Variants in ITGB7 observed in about 807,000 individuals in gnomAD.
The protein encoded by ITGB7 is integrin subunit beta 7.
In ITGB7, 55 loss-of-function variants were observed where a neutral mutation model predicts 83.4. The observed-to-expected ratio is 0.66, with a 90% CI of 0.53 to 0.83. ITGB7 has a LOEUF of 0.83. ITGB7 is among the 40% of genes least tolerant of loss of function. ITGB7 has a pLI of 0.00. For synonymous variants in ITGB7, 454 were observed against 423.6 expected (o/e 1.07, Z -0.88); for missense variants, 921 against 1,046.7 (o/e 0.88, Z 1.66).
intron 1 of ITGB7, among the ~76,000 whole-genome samples, chr12:53,205,076 C>A (rs1429399764): frequency 6.6e-6 from 1 of 152,086 alleles, no homozygotes; most frequent in Non-Finnish European, 1.5e-5. Flanking sequence ...CCACCCACCT[C>A]GGCCTCCCAA....
At chr12:53,199,959 T>C (rs1022490430) in intron 3 of ITGB7, among the ~76,000 whole-genome samples, 6 of 152,178 alleles carry the variant, frequency 3.9e-5, no homozygotes, top group Non-Finnish European at 1.5e-5. Context: ...AAGCACATAC[T>C]TTCTCCCAAT....
intron 13 of ITGB7, 46 bp from the exon 14 acceptor site, chr12:53,192,584 C>T: frequency 6.3e-7 from 1 of 1,598,588 alleles, no homozygotes; most frequent in South Asian, 1.1e-5. Flanking sequence ...AGTTGTCACC[C>T]AATGCCCCTT....
At position 53,191,564 on chromosome 12, in the gene ITGB7, T is replaced by A. The variant is rs1386027704; in HGVS notation, c.2389A>T (p.Thr797Ser). The change falls in exon 16 of 16, where the codon ACT becomes TCT. Residue 797 changes from threonine (T) to serine (S), a missense_variant. Physicochemically the swap from Thr to Ser is moderately conservative, Grantham distance 58. Transcript: ENST00000267082. ...AAGTGTCCCTCCCTCCTTCAGAGAG[T>A]GGGACTGTCTGCCTCTTGAAAGCGA... ...NPRFQEADSP[T>S]L The A allele has an allele frequency of 2.5e-6, 4 of 1,608,378 alleles. No individual in the cohort carries two copies. In the South Asian group the frequency reaches 3.3e-5, roughly 13 times the overall value.
In ITGB7 at chr12:53,193,537, G is replaced by A. The variant is rs552322628; in HGVS notation, c.1502+171C>T. On this transcript the variant is annotated intron_variant, in intron 11 of 15. Coordinates refer to ENST00000267082, the MANE Select transcript of ITGB7 (RefSeq NM_000889.3). ...GGGTGAGAGAGTGGAGGGAGCCCCA[G>A]TCAGGGGGAGGGCCTGGACATACAT... is the stretch of plus-strand genomic sequence containing the variant. 28 of 746,718 alleles carry A rather than the reference G, an allele frequency of 3.7e-5. No homozygotes were observed. In the South Asian group the frequency reaches 5.4e-4, roughly 14 times the overall value. 46.3% of individuals were successfully genotyped at this position (746,718 alleles called of 1,614,324 possible).
In ITGB7 at chr12:53,195,251, A is replaced by C. The variant is rs534225006; in HGVS notation, c.1161+123T>G. On this transcript the variant is annotated intron_variant, in intron 9 of 15. Transcript: ENST00000267082. ...CAGCCACATGCAGACTATAGGTAGGAGCTGTGGAATGTTAGACCAAAAAGT... is the reference window on the plus strand; with the variant it reads ...CAGCCACATGCAGACTATAGGTAGGCGCTGTGGAATGTTAGACCAAAAAGT... The C allele has an allele frequency of 8.5e-6, 6 of 702,994 alleles. No individual in the cohort carries two copies. In the South Asian group the frequency reaches 9.7e-5, roughly 11 times the overall value. 43.5% of individuals were successfully genotyped at this position (702,994 alleles called of 1,614,324 possible).
intron 14 of ITGB7, 47 bp from the exon 15 acceptor site, chr12:53,192,066 A>T (rs556432407): frequency 6.3e-7 from 1 of 1,590,676 alleles, no homozygotes; most frequent in African/African-American, 1.3e-5. Flanking sequence ...GAGCATAGGG[A>T]CAGATCATCA....
At chr12:53,197,988 T>C (rs1942225187) in intron 3 of ITGB7, 37 bp from the exon 4 acceptor site, 1 of 1,506,984 alleles carries the variant, frequency 6.6e-7, no homozygotes, top group Non-Finnish European at 8.9e-7. Context: ...GACCCGGTCC[T>C]GCATAGGCCC....
intron 9 of ITGB7, 68 bp downstream of exon 9, chr12:53,195,306 C>T (rs1942118941): frequency 8.7e-7 from 1 of 1,153,704 alleles, no homozygotes; most frequent in Non-Finnish European, 1.3e-6. Flanking sequence ...TGCCACCCCA[C>T]CCAAGGGCCC....
At chr12:53,198,868 G>A (rs1942254280) in intron 3 of ITGB7, among the ~76,000 whole-genome samples, 1 of 152,220 alleles carries the variant, frequency 6.6e-6, no homozygotes, top group African/African-American at 2.4e-5. Context: ...CCCTGGGACT[G>A]GTTGGGAAGC....
intron 3 of ITGB7, among the ~76,000 whole-genome samples, chr12:53,199,749 G>A (rs915462361): frequency 6.6e-6 from 1 of 151,950 alleles, no homozygotes; most frequent in Non-Finnish European, 1.5e-5. Context: ...CAAGGAAGAG[G>A]GCCCTAACTG....
At chr12:53,201,238 G>A (rs191718462) in intron 1 of ITGB7, 44 bp from the exon 2 acceptor site, 2 of 152,300 alleles carry the variant, frequency 1.3e-5, no homozygotes, top group East Asian at 1.9e-4. Context: ...CATACTTGGC[G>A]GCTTTTACAA....
At position 53,196,075 on chromosome 12, in the gene ITGB7, T is replaced by C. The variant is rs1942151365; in HGVS notation, c.941A>G (p.Asp314Gly). The C allele has an allele frequency of 1.2e-6, 2 of 1,614,118 alleles. No individual in the cohort carries two copies. The highest frequency in any genetic ancestry group is 4.5e-5 in the East Asian group (2 of 44,886). The change falls in exon 7 of 16, where the codon GAC (aspartate) becomes GGC (glycine). Residue 314 changes from aspartate to glycine, a missense_variant. Transcript: ENST00000267082. ...GCTGCGACTGTAGAGGCCATTGCTG[T>C]CCAAGTGGCAGTGCCCATCACTGGG... is the stretch of plus-strand genomic sequence containing the variant. Reference protein sequence around the residue: ...FMPSDGHCHLDSNGLYSRSTE... With the variant: ...FMPSDGHCHLGSNGLYSRSTE...
At chr12:53,201,759 C>T (rs752618171) in intron 1 of ITGB7, among the ~76,000 whole-genome samples, 2 of 152,104 alleles carry the variant, frequency 1.3e-5, no homozygotes, top group Non-Finnish European at 2.9e-5. Flanking sequence ...GTGATCAAGA[C>T]AGCATTGGCT....
At chr12:53,198,129 G>GTTGTT (rs1326467737) in intron 3 of ITGB7, among the ~76,000 whole-genome samples, 178 bp from the exon 4 acceptor site, 4 of 151,962 alleles carry the variant, frequency 2.6e-5, no homozygotes, top group Admixed American at 6.6e-5. Context: ...GGTCTTTTTT[G>GTTGTT]TTGTTTTGTT....
Position 53,193,845 on chromosome 12 carries a change from C to T in ITGB7, c.1365G>A (p.Leu455=). ...ATHCLPEPHL[L]RLRALGFSEE... ...CTGAGAAGCCAAGGGCCCGGAGCCT[C>T]AGGAGATGGGGCTCTGGGAGGCAGT... The change falls in exon 11 of 16, where the codon CTG becomes CTA. Residue 455 remains leucine (L), a synonymous_variant. Coordinates refer to ENST00000267082, the MANE Select transcript of ITGB7 (RefSeq NM_000889.3). The T allele has an allele frequency of 6.2e-7, 1 of 1,614,048 alleles. No individual in the cohort carries two copies. The highest frequency in any genetic ancestry group is 8.5e-7 in the Non-Finnish European group (1 of 1,179,998).
intron 3 of ITGB7, among the ~76,000 whole-genome samples, chr12:53,199,044 T>A (rs1255916500): frequency 6.6e-6 from 1 of 152,216 alleles, no homozygotes; most frequent in Non-Finnish European, 1.5e-5. Flanking sequence ...ACCCTTCTTG[T>A]CCAGTCAGAT....
Position 53,197,930 on chromosome 12 carries a change from C to A in ITGB7, c.223G>T (p.Ala75Ser). 6.5e-7 allele frequency: 1 copy of A among 1,542,372 alleles called. No homozygotes were observed. Among genetic ancestry groups the A allele is most frequent in the East Asian group, 2.4e-5 (1 of 41,192 alleles). The change falls in exon 4 of 16, where the codon GCG (alanine) becomes TCG (serine). Residue 75 changes from alanine to serine, a missense_variant. Coordinates refer to ENST00000267082, the MANE Select transcript of ITGB7 (RefSeq NM_000889.3). Reference protein sequence around the residue: ...KQLNFTASGEAEARRCARREE... With the variant: ...KQLNFTASGESEARRCARREE... ...CGTCGGGCGCAGCGCCGCGCCTCCG[C>A]CTCTCCCGACGCGGTGAAGTTCTGC...
rs1941967720 is a variant in ITGB7 at position 53,191,947 on chromosome 12, A to G, written c.2228T>C (p.Val743Ala). The change falls in exon 15 of 16, where the codon GTC becomes GCC. Residue 743 changes from valine (V) to alanine (A), a missense_variant. Val to Ala is a moderately conservative substitution (Grantham distance 64). Coordinates refer to ENST00000267082, the MANE Select transcript of ITGB7 (RefSeq NM_000889.3). ...TTCCACCGAGAGCCGGTAAGCCAGGACCAGCCCCAGCCCCACTGCCACGAT... is the reference window on the plus strand; with the variant it reads ...TTCCACCGAGAGCCGGTAAGCCAGGGCCAGCCCCAGCCCCACTGCCACGAT... ...GGIVAVGLGL[V>A]LAYRLSVEIY... is the part of the protein sequence containing the mutation. The G allele has an allele frequency of 1.2e-6, 2 of 1,611,416 alleles. No homozygotes were observed. The highest frequency in any genetic ancestry group is 8.5e-7 in the Non-Finnish European group (1 of 1,179,962).
intron 3 of ITGB7, among the ~76,000 whole-genome samples, chr12:53,199,412 C>T (rs553600191): frequency 6.6e-6 from 1 of 152,156 alleles, no homozygotes; most frequent in African/African-American, 2.4e-5. Context: ...CCTGTCCAGT[C>T]ATAGGCTACT....
Sources: gnomAD v4.1 joint callset for allele counts (sites outside exome capture counted in the v4.1 genomes callset) on GRCh38, gnomAD v4.1.1 for gene constraint, MANE v1.5 for transcripts, NCBI Gene and HGNC (gene_info 2026-07-23, HGNC 2026-07-21) for gene names.